CTNNA2: variants seen among roughly 807,000 people sequenced by gnomAD.
CTNNA2 encodes catenin alpha 2.
Under a neutral mutation model 101.0 loss-of-function variants are expected in CTNNA2, and 42 were observed. That is an observed-to-expected ratio of 0.42 (90% CI 0.32 to 0.54). CTNNA2 has a LOEUF of 0.54. Ranked by LOEUF, CTNNA2 falls within the 20% of genes least tolerant of loss-of-function variation. CTNNA2 has a pLI of 0.14. For missense variants in CTNNA2, 871 were observed against 1,223.1 expected (o/e 0.71, Z 4.29); for synonymous variants, 450 against 456.4 (o/e 0.99, Z 0.18).
At chr2:79,924,917 G>A (rs1306369816) in intron 7 of CTNNA2, among the ~76,000 whole-genome samples, 2 of 151,956 alleles carry the variant, frequency 1.3e-5, no homozygotes, top group Admixed American at 6.6e-5. Context: ...TATAGAAATC[G>A]GGCATTTATC....
chr2:80,381,263 G>T (rs1024435518), intron 7 of CTNNA2, among the ~76,000 whole-genome samples: 2 of 151,716 alleles, frequency 1.3e-5, no homozygotes, highest in Non-Finnish European at 2.9e-5. Flanking sequence ...TTCACCCAAA[G>T]CAAGCAAAAG....
intron 2 of CTNNA2, among the ~76,000 whole-genome samples, chr2:79,250,126 G>A (rs1302700096): frequency 6.6e-6 from 1 of 152,170 alleles, no homozygotes; most frequent in Non-Finnish European, 1.5e-5. Flanking sequence ...GCCCAGGATT[G>A]TCTGTTTTAG....
chr2:79,429,106 A>G (rs1678624302), intron 4 of CTNNA2, among the ~76,000 whole-genome samples: 1 of 152,194 alleles, frequency 6.6e-6, no homozygotes, highest in Non-Finnish European at 1.5e-5. Context: ...CCTACAATAG[A>G]CTATCAAGCT....
intron 4 of CTNNA2, among the ~76,000 whole-genome samples, chr2:79,437,632 T>C (rs573754629): frequency 6.6e-6 from 1 of 152,340 alleles, no homozygotes; most frequent in African/African-American, 2.4e-5. Context: ...ACCTCTGCTC[T>C]GCTTCATAAC....
rs140348034 is a variant in CTNNA2, at chr2:79,229,086, G to C, written c.-406+31010G>C. Among the ~76,000 whole-genome samples, 500 of 152,136 alleles carry C rather than the reference G, an allele frequency of 3.3e-3. 4 individuals carry two copies. Among genetic ancestry groups the C allele is most frequent in the African/African-American group, 0.011 (477 of 41,504 alleles). On this transcript the variant is annotated intron_variant, in intron 2 of 21. Transcript: ENST00000466387. The stretch of plus-strand genomic sequence containing the variant: ...TATGTAGTCATGTGTTTATTTCTGG[G>C]CTCTCTATTCTGTTCCATTGGTCTA...
intron 2 of CTNNA2, among the ~76,000 whole-genome samples, chr2:79,671,381 C>T (rs1398170637): frequency 6.6e-6 from 1 of 152,134 alleles, no homozygotes; most frequent in Non-Finnish European, 1.5e-5. Flanking sequence ...TTCCCCAATA[C>T]CCTCTGCCTC....
chr2:79,597,949 A>T (rs1190296979), intron 1 of CTNNA2, among the ~76,000 whole-genome samples: 2 of 152,186 alleles, frequency 1.3e-5, no homozygotes, highest in African/African-American at 4.8e-5. Context: ...CCACCTGTTC[A>T]TACCTCCCAC....
chr2:80,052,056 A>T (rs1009674530), intron 7 of CTNNA2, among the ~76,000 whole-genome samples: 10 of 152,206 alleles, frequency 6.6e-5, no homozygotes, highest in African/African-American at 2.4e-4. Context: ...CGGATACATC[A>T]AGGGTAGAGA....
At chr2:80,257,924 G>A (rs987150645) in intron 7 of CTNNA2, among the ~76,000 whole-genome samples, 1 of 152,198 alleles carries the variant, frequency 6.6e-6, no homozygotes, top group African/African-American at 2.4e-5. Flanking sequence ...AGCATCCCAA[G>A]AGTGAGGAAT....
At chr2:79,802,450 T>G (rs1384077127) in intron 3 of CTNNA2, among the ~76,000 whole-genome samples, 1 of 152,214 alleles carries the variant, frequency 6.6e-6, no homozygotes, top group African/African-American at 2.4e-5. Flanking sequence ...GTTTCATTAC[T>G]GCTTGTTTGG....
intron 7 of CTNNA2, among the ~76,000 whole-genome samples, chr2:79,941,230 A>T (rs941746573): frequency 6.6e-6 from 1 of 152,172 alleles, no homozygotes; most frequent in African/African-American, 2.4e-5. Flanking sequence ...TTATTTCCCT[A>T]TAGCCTATAT....
chr2:80,612,632 C>T (rs568009785), intron 17 of CTNNA2, among the ~76,000 whole-genome samples: 33 of 151,400 alleles, frequency 2.2e-4, no homozygotes, highest in African/African-American at 5.3e-4. Context: ...ATTTGAAGAG[C>T]GTTGTGTTCC....
At chr2:80,098,707 A>G (rs6547292) in intron 7 of CTNNA2, among the ~76,000 whole-genome samples, 77,602 of 152,042 alleles carry the variant, frequency 0.51, 22,303 homozygotes, top group African/African-American at 0.74. Context: ...CGGAAATGGC[A>G]GGCGCCCCTC....
chr2:79,925,334 A>T (rs1396297005), intron 7 of CTNNA2, among the ~76,000 whole-genome samples: 1 of 152,128 alleles, frequency 6.6e-6, no homozygotes, highest in African/African-American at 2.4e-5. Flanking sequence ...ATTTCTAACA[A>T]TTCATATTTT....
chr2:80,284,473 T>G (rs1674601789), intron 7 of CTNNA2, among the ~76,000 whole-genome samples: 1 of 152,218 alleles, frequency 6.6e-6, no homozygotes, highest in South Asian at 2.1e-4. Flanking sequence ...TCCATCCTGA[T>G]ACACAGTGGT....
At chr2:80,023,944 G>A (rs1388442210) in intron 7 of CTNNA2, among the ~76,000 whole-genome samples, 3 of 151,960 alleles carry the variant, frequency 2.0e-5, no homozygotes, top group Admixed American at 6.6e-5. Context: ...AAAATTAGCC[G>A]GGCGTGGTGG....
chr2:79,504,479 G>A (rs866934722), intron 4 of CTNNA2, among the ~76,000 whole-genome samples: 3 of 151,956 alleles, frequency 2.0e-5, no homozygotes, highest in African/African-American at 7.3e-5. Context: ...TAGTAGAGAC[G>A]GGCTTTCACC....
At chr2:80,375,293 G>A (rs1174196292) in intron 7 of CTNNA2, among the ~76,000 whole-genome samples, 1 of 152,102 alleles carries the variant, frequency 6.6e-6, no homozygotes. Flanking sequence ...CAGGAGGTAG[G>A]GATTTCTATG....
chr2:79,661,813 G>T (rs534107210), intron 2 of CTNNA2, among the ~76,000 whole-genome samples: 1 of 152,058 alleles, frequency 6.6e-6, no homozygotes, highest in East Asian at 1.9e-4. Flanking sequence ...ATTACTTCTT[G>T]TGTCAACTTG....
Sources: gnomAD v4.1 joint callset for allele counts (sites outside exome capture counted in the v4.1 genomes callset) on GRCh38, gnomAD v4.1.1 for gene constraint, MANE v1.5 for transcripts, NCBI Gene and HGNC (gene_info 2026-07-23, HGNC 2026-07-21) for gene names.